Variants in TDRD7 observed in about 807,000 individuals in gnomAD.
TDRD7 encodes tudor domain containing 7, also known as tudor domain-containing protein 7.
TDRD7 carries 47 observed loss-of-function variants against 109.8 expected under a neutral mutation model. The observed-to-expected ratio is 0.43, with a 90% confidence interval of 0.34 to 0.55. The LOEUF is 0.55. Ranked by LOEUF, TDRD7 falls within the 20% of genes least tolerant of loss-of-function variation. The probability of loss-of-function intolerance (pLI) is 0.03; values close to 1 mark genes in which losing one functional copy is unlikely to be tolerated. For missense variants in TDRD7, 1,164 were observed against 1,319.2 expected (o/e 0.88, Z 1.82); for synonymous variants, 424 against 457.3 (o/e 0.93, Z 0.93).
At chr9:97,465,404 A>G (rs988303466) in intron 8 of TDRD7, among the ~76,000 whole-genome samples, 1 of 152,186 alleles carries the variant, frequency 6.6e-6, no homozygotes, top group Non-Finnish European at 1.5e-5. Flanking sequence ...AAAGGAGACA[A>G]TTCTTCTTCT....
chr9:97,428,317 G>A (rs186975079), intron 1 of TDRD7, 143 bp from the exon 2 acceptor site: 27 of 813,552 alleles, frequency 3.3e-5, no homozygotes, highest in Admixed American at 1.9e-4. Flanking sequence ...TTTCTCTACC[G>A]TGGCAGTTGT....
At chr9:97,477,337 C>G (rs1234225028) in intron 12 of TDRD7, among the ~76,000 whole-genome samples, 1 of 152,198 alleles carries the variant, frequency 6.6e-6, no homozygotes, top group African/African-American at 2.4e-5. Flanking sequence ...AGCATACAAT[C>G]TGGATCCCAC....
intron 1 of TDRD7, among the ~76,000 whole-genome samples, chr9:97,423,298 A>G (rs574255261): frequency 4.3e-4 from 66 of 152,232 alleles, no homozygotes; most frequent in African/African-American, 1.5e-3. Flanking sequence ...CTAAGCTACA[A>G]ACTTACTGGC....
At chr9:97,441,554 C>T (rs1587868245) in intron 5 of TDRD7, 104 bp from the exon 6 acceptor site, 1 of 1,050,498 alleles carries the variant, frequency 9.5e-7, no homozygotes, top group Non-Finnish European at 1.4e-6. Context: ...TTGGCTACCA[C>T]AAGCCCACAC....
At chr9:97,487,366 C>A in intron 16 of TDRD7, 34 bp downstream of exon 16, 1 of 1,613,388 alleles carries the variant, frequency 6.2e-7, no homozygotes, top group Non-Finnish European at 8.5e-7. Context: ...CATGCTACAA[C>A]AATGCAATAT....
intron 4 of TDRD7, among the ~76,000 whole-genome samples, chr9:97,434,578 A>G (rs920203819): frequency 3.3e-5 from 5 of 152,186 alleles, no homozygotes; most frequent in Admixed American, 2.0e-4. Context: ...GTATCAAAAT[A>G]TCACATCATA....
chr9:97,494,726 C>T (rs139604820), intron 16 of TDRD7, among the ~76,000 whole-genome samples: 9 of 138,892 alleles, frequency 6.5e-5, no homozygotes, highest in Admixed American at 7.2e-5. Context: ...TTTTTTTTTT[C>T]GAGAGGGTCT....
At chr9:97,448,107 C>G (rs1365849508) in intron 6 of TDRD7, among the ~76,000 whole-genome samples, 2 of 152,114 alleles carry the variant, frequency 1.3e-5, no homozygotes, top group Non-Finnish European at 2.9e-5. Context: ...CTACAAGGAT[C>G]TTTTTACTTT....
chr9:97,436,147 G>C (rs543176236), intron 4 of TDRD7, among the ~76,000 whole-genome samples: 1 of 152,048 alleles, frequency 6.6e-6, no homozygotes, highest in East Asian at 1.9e-4. Context: ...AAAATGTGTG[G>C]GGAAGAGGGT....
chr9:97,421,588 TTTC>T (rs981490688), intron 1 of TDRD7, among the ~76,000 whole-genome samples: 15 of 152,178 alleles, frequency 9.9e-5, no homozygotes, highest in African/African-American at 3.6e-4. Flanking sequence ...AATTTGTCAA[TTTC>T]TTCTTTTTTT....
At chr9:97,492,132 C>T (rs987517920) in intron 16 of TDRD7, among the ~76,000 whole-genome samples, 30 of 152,312 alleles carry the variant, frequency 2.0e-4, no homozygotes, top group African/African-American at 6.7e-4. Flanking sequence ...GCCCTGTGAC[C>T]TTCCTTCTCT....
rs1369665543 is a variant in TDRD7, at chr9:97,443,432, A to T, written c.855+1557A>T. On this transcript the variant is annotated intron_variant, in intron 6 of 16. Coordinates refer to ENST00000355295, the MANE Select transcript of TDRD7 (RefSeq NM_014290.3). ...AACAATTAATATTCGTAAGAATGTG[A>T]CCTCTGATTTATGTGGAATATAGGG... Among the ~76,000 whole-genome samples the T allele has an allele frequency of 7.9e-5, 12 of 152,170 alleles. No individual in the cohort carries two copies. The East Asian group carries it at 2.3e-3, about 29-fold the overall frequency.
intron 1 of TDRD7, among the ~76,000 whole-genome samples, chr9:97,413,825 TTGAAAA>T (rs1827765608): frequency 6.6e-6 from 1 of 152,176 alleles, no homozygotes; most frequent in Admixed American, 6.5e-5. Context: ...TCTCTGTAGA[TTGAAAA>T]TGAAGTGTAA....
intron 3 of TDRD7, among the ~76,000 whole-genome samples, chr9:97,431,806 A>T (rs1205087855): frequency 6.6e-6 from 1 of 152,178 alleles, no homozygotes; most frequent in African/African-American, 2.4e-5. Context: ...GAGAAGCAGG[A>T]GTTACTGGCC....
intron 5 of TDRD7, among the ~76,000 whole-genome samples, chr9:97,440,154 A>T (rs915463088): frequency 2.0e-5 from 3 of 152,214 alleles, no homozygotes; most frequent in Admixed American, 2.0e-4. Context: ...CTGAAACATG[A>T]CTACATGGCA....
At chr9:97,433,788 G>T (rs1445461787) in intron 4 of TDRD7, among the ~76,000 whole-genome samples, 1 of 152,096 alleles carries the variant, frequency 6.6e-6, no homozygotes, top group African/African-American at 2.4e-5. Flanking sequence ...TTAGGGAAAT[G>T]CAAATTAAAA....
chr9:97,489,986 CA>C (rs145298379), intron 16 of TDRD7, among the ~76,000 whole-genome samples: 6,802 of 152,158 alleles, frequency 0.045, 198 homozygotes, highest in South Asian at 0.078. Flanking sequence ...TCATTGCAGT[CA>C]TTTACTTCAC....
chr9:97,435,491 C>T (rs904227714), intron 4 of TDRD7, among the ~76,000 whole-genome samples: 2 of 149,914 alleles, frequency 1.3e-5, no homozygotes, highest in Non-Finnish European at 3.0e-5. Flanking sequence ...AAAAAATTAC[C>T]TGGACATGGT....
chr9:97,491,182 CT>C (rs1829303761), intron 16 of TDRD7, among the ~76,000 whole-genome samples: 1 of 152,190 alleles, frequency 6.6e-6, no homozygotes, highest in African/African-American at 2.4e-5. Flanking sequence ...ATCCTCCCAC[CT>C]TGGCCTCCAA....
Sources: gnomAD v4.1 joint callset for allele counts (sites outside exome capture counted in the v4.1 genomes callset) on GRCh38, gnomAD v4.1.1 for gene constraint, MANE v1.5 for transcripts, NCBI Gene and HGNC (gene_info 2026-07-23, HGNC 2026-07-21) for gene names.